The following FBXW8 variants were observed in gnomAD, a reference collection of about 807,000 sequenced individuals.
FBXW8 encodes the protein F-box and WD repeat domain containing 8, also known as F-box/WD repeat-containing protein 8.
Under a neutral mutation model 65.3 loss-of-function variants are expected in FBXW8, and 57 were observed. That is an observed-to-expected ratio of 0.87 (90% CI 0.71 to 1.09). The LOEUF (loss-of-function observed/expected upper bound fraction) is 1.09. FBXW8 is among the 50% of genes least tolerant of loss of function. FBXW8 has a pLI of 0.00. For synonymous variants in FBXW8, 308 were observed against 330.2 expected (o/e 0.93, Z 0.73); for missense variants, 777 against 814.8 (o/e 0.95, Z 0.57).
chr12:116,914,293 T>C (rs114245032), intron 1 of FBXW8, among the ~76,000 whole-genome samples: 2,035 of 150,678 alleles, frequency 0.014, 43 homozygotes, highest in African/African-American at 0.046. Flanking sequence ...AAAGCAAACT[T>C]TGTGGCTGGG....
At chr12:117,024,442 T>G in intron 9 of FBXW8, 122 bp downstream of exon 9, 1 of 1,127,086 alleles carries the variant, frequency 8.9e-7, no homozygotes, top group Non-Finnish European at 1.3e-6. Context: ...AGGTGAATCC[T>G]TACTGTGACC....
chr12:117,013,147 C>G (rs1280845921), intron 8 of FBXW8, among the ~76,000 whole-genome samples: 2 of 152,142 alleles, frequency 1.3e-5, no homozygotes, highest in African/African-American at 4.8e-5. Flanking sequence ...GAGGCTGAGG[C>G]AGGAGAATCG....
intron 7 of FBXW8, among the ~76,000 whole-genome samples, chr12:116,989,851 C>T (rs563721714): frequency 6.6e-6 from 1 of 152,336 alleles, no homozygotes; most frequent in Non-Finnish European, 1.5e-5. Flanking sequence ...TCAGTTTCCT[C>T]ATTTGTAAAA....
At chr12:117,001,784 C>T (rs565366214) in intron 7 of FBXW8, among the ~76,000 whole-genome samples, 2 of 152,278 alleles carry the variant, frequency 1.3e-5, no homozygotes, top group African/African-American at 2.4e-5. Context: ...ATCATCTCTT[C>T]GCTGGACTCA....
intron 4 of FBXW8, among the ~76,000 whole-genome samples, chr12:116,953,162 G>A (rs537550508): frequency 6.6e-6 from 1 of 152,318 alleles, no homozygotes; most frequent in South Asian, 2.1e-4. Flanking sequence ...TATATATGAT[G>A]TTATATGGGA....
intron 3 of FBXW8, among the ~76,000 whole-genome samples, chr12:116,947,262 AT>A (rs1366392379): frequency 6.6e-6 from 1 of 152,198 alleles, no homozygotes; most frequent in Non-Finnish European, 1.5e-5. Flanking sequence ...ATGGCTGTTG[AT>A]TGAGTGAACT....
intron 5 of FBXW8, among the ~76,000 whole-genome samples, chr12:116,970,592 T>G (rs1884594667): frequency 6.6e-6 from 1 of 152,230 alleles, no homozygotes; most frequent in Non-Finnish European, 1.5e-5. Flanking sequence ...AAGTTTTACT[T>G]AAGATTTTGT....
intron 5 of FBXW8, among the ~76,000 whole-genome samples, chr12:116,972,030 T>G (rs532851192): frequency 6.6e-6 from 1 of 152,348 alleles, no homozygotes; most frequent in African/African-American, 2.4e-5. Flanking sequence ...GAAAGTAAAT[T>G]GAAATATTTT....
chr12:116,916,979 C>G (rs1226888948), intron 1 of FBXW8, among the ~76,000 whole-genome samples: 3 of 151,910 alleles, frequency 2.0e-5, no homozygotes, highest in Non-Finnish European at 4.4e-5. Flanking sequence ...TAGCTTAGCC[C>G]CAAGTGGGCA....
intron 5 of FBXW8, among the ~76,000 whole-genome samples, chr12:116,970,382 G>A (rs1171060271): frequency 1.3e-5 from 2 of 152,130 alleles, no homozygotes. Context: ...ATCCACCTCC[G>A]CAACACTCCC....
In FBXW8 at chr12:116,928,559, G is replaced by A. The variant is rs151199248; in HGVS notation, c.423+432G>A. Among the ~76,000 whole-genome samples the A allele has an allele frequency of 5.3e-5, 8 of 152,326 alleles. No homozygotes were observed. In the East Asian group the frequency reaches 1.5e-3, roughly 29 times the overall value. On this transcript the variant is annotated intron_variant, in intron 2 of 10. Coordinates refer to ENST00000652555, the MANE Select transcript of FBXW8 (RefSeq NM_153348.3). ...ATGTTTTAGGTGAAGTCATGTTTTA[G>A]GTGTATAGTCCAAATTACCCTTTAA...
rs915254696 is a variant in FBXW8 at position 116,961,979 on chromosome 12, G to A, written c.678-2718G>A. The stretch of plus-strand genomic sequence containing the variant: ...ACCAGGGTGGCTTCTCTGGGAATGA[G>A]CAGAACAGAACAAGCTTGGCACCTG... On this transcript the variant is annotated intron_variant, in intron 4 of 10. Coordinates refer to ENST00000652555, the MANE Select transcript of FBXW8 (RefSeq NM_153348.3). The surrounding 1 kb of genome is among the most constrained non-coding windows in gnomAD (Gnocchi z 4.4). 1.3e-5 allele frequency among the ~76,000 whole-genome samples: 2 copies of A among 152,136 alleles called. No individual in the cohort carries two copies. The highest frequency in any genetic ancestry group is 4.8e-5 in the African/African-American group (2 of 41,424).
In FBXW8 at chr12:116,911,345, TC is replaced by T. The variant is rs1264768195; in HGVS notation, c.310del (p.Arg104AlafsTer3). 7.8e-7 allele frequency: 1 copy of T among 1,280,174 alleles called. No homozygotes were observed. Among genetic ancestry groups the T allele is most frequent in the East Asian group, 3.1e-5 (1 of 32,120 alleles). The allele number at this position is 1,280,174 out of a possible 1,614,324, so 79.3% of individuals were successfully genotyped here. A position where few individuals can be genotyped will look rare whatever the true frequency, so the allele number is the denominator to read the frequency against. On this transcript the variant is annotated frameshift_variant, in exon 1 of 11. Coordinates refer to ENST00000652555, the MANE Select transcript of FBXW8 (RefSeq NM_153348.3). LOFTEE classifies it high-confidence loss of function. ...GGGGAGCAGCTGGTGGACCAGCTCA[TC>T]CGCGACCTGGTGAGTGGCCGTCGCC... is the stretch of plus-strand genomic sequence containing the variant. ...GGGEQLVDQL[I>X]RDLNEMNDVP...
chr12:116,951,066 C>T (rs892390086), intron 4 of FBXW8: 4 of 152,224 alleles, frequency 2.6e-5, no homozygotes, highest in African/African-American at 9.7e-5. Flanking sequence ...AGGGCAGGCC[C>T]CCTACGAGTC....
chr12:116,988,806 C>T lies in FBXW8; in HGVS notation c.1176C>T (p.Asp392=), dbSNP rs772659476. The change falls in exon 7 of 11, where the codon GAC becomes GAT. Residue 392 remains aspartate (D), a synonymous_variant. Coordinates refer to ENST00000652555, the MANE Select transcript of FBXW8 (RefSeq NM_153348.3). The stretch of plus-strand genomic sequence containing the variant: ...ACGGCCCGCCTGTCACATGTCTAGA[C>T]GTCTCGGCCAACCAAGTTGCTTTTG... ...YAHGPPVTCL[D]VSANQVAFGV... is the part of the protein sequence containing the mutation. 76 of 1,613,974 alleles carry T rather than the reference C, an allele frequency of 4.7e-5. No homozygotes were observed. Among genetic ancestry groups the T allele is most frequent in the Non-Finnish European group, 5.8e-5 (68 of 1,180,028 alleles).
chr12:116,959,228 T>C (rs1026726156), intron 4 of FBXW8, among the ~76,000 whole-genome samples: 1 of 152,210 alleles, frequency 6.6e-6, no homozygotes, highest in African/African-American at 2.4e-5. Context: ...GTGGTCGAAT[T>C]GATGGGTTAG....
chr12:117,009,586 T>C (rs1291417437), intron 7 of FBXW8, among the ~76,000 whole-genome samples: 1 of 151,936 alleles, frequency 6.6e-6, no homozygotes, highest in Non-Finnish European at 1.5e-5. Context: ...ATAGGAAGCA[T>C]TTAATGTTCT....
At chr12:116,948,025 G>A (rs10507276) in intron 3 of FBXW8, among the ~76,000 whole-genome samples, 20,132 of 152,120 alleles carry the variant, frequency 0.13, 1,391 homozygotes, top group Middle Eastern at 0.22. Context: ...TTAGGCAGGC[G>A]ATTTGGTTTG....
intron 7 of FBXW8, among the ~76,000 whole-genome samples, chr12:116,990,842 T>A (rs918859855): frequency 6.6e-6 from 1 of 152,018 alleles, no homozygotes; most frequent in African/African-American, 2.4e-5. Context: ...TTGTGAAAAA[T>A]CCTTGGTTAA....
Sources: gnomAD v4.1 joint callset for allele counts (sites outside exome capture counted in the v4.1 genomes callset) on GRCh38, gnomAD v4.1.1 for gene constraint, Gnocchi (gnomAD v3.1) non-coding constraint, MANE v1.5 for transcripts, NCBI Gene and HGNC (gene_info 2026-07-23, HGNC 2026-07-21) for gene names.